The following PROCA1 variants were observed in gnomAD, a reference collection of about 807,000 sequenced individuals.
PROCA1 encodes the protein protein PROCA1.
PROCA1 carries 22 observed loss-of-function variants against 23.2 expected under a neutral mutation model. That is an observed-to-expected ratio of 0.95 (90% CI 0.68 to 1.35). The LOEUF is 1.35. PROCA1 is among the 40% of genes most tolerant of loss of function. The pLI, the probability that PROCA1 is intolerant of heterozygous loss-of-function variation, is 0.00. For missense variants in PROCA1, 469 were observed against 459.8 expected (o/e 1.02, Z -0.18); for synonymous variants, 182 against 179.2 (o/e 1.02, Z -0.12).
intron 1 of PROCA1, among the ~76,000 whole-genome samples, chr17:28,710,089 T>C (rs559880751): frequency 6.6e-6 from 1 of 152,160 alleles, no homozygotes; most frequent in African/African-American, 2.4e-5. Flanking sequence ...TTTTACTCAA[T>C]CTGGACTCCA....
chr17:28,709,098 TTGTTAA>T (rs2032660604), intron 1 of PROCA1, among the ~76,000 whole-genome samples: 1 of 152,196 alleles, frequency 6.6e-6, no homozygotes, highest in Admixed American at 6.5e-5. Flanking sequence ...CAAACATACA[TTGTTAA>T]TAGACTGTAG....
intron 1 of PROCA1, 153 bp from the exon 2 acceptor site, chr17:28,706,916 G>GC (rs1425437500): frequency 9.3e-6 from 1 of 107,424 alleles, no homozygotes; most frequent in Admixed American, 1.2e-4. Flanking sequence ...AGGGGTTGCG[G>GC]GGGGGGGGGG....
intron 4 of PROCA1, 43 bp downstream of exon 4, chr17:28,704,264 C>G: frequency 6.3e-7 from 1 of 1,586,404 alleles, no homozygotes; most frequent in East Asian, 2.2e-5. Context: ...GGGCAGTGCC[C>G]TGTAGAGGCC....
chr17:28,710,662 T>C (rs1166244884), intron 1 of PROCA1, among the ~76,000 whole-genome samples: 1 of 152,114 alleles, frequency 6.6e-6, no homozygotes, highest in Non-Finnish European at 1.5e-5. Context: ...AGTAACTCTC[T>C]TCAGAGCTGA....
At position 28,703,471 on chromosome 17, in the gene PROCA1, A is replaced by G; in HGVS notation, c.*87T>C. ...CTGAGCCCACCCCTTGCCCCGCAAG[A>G]AACAGCCAGGTTGGAGGGAGAGAAC... On this transcript the variant is annotated 3_prime_UTR_variant, in exon 5 of 5. Coordinates refer to ENST00000682792, the MANE Select transcript of PROCA1 (RefSeq NM_001366301.1). 1 of 1,416,658 alleles carries G rather than the reference A, an allele frequency of 7.1e-7. No homozygotes were observed. The highest frequency in any genetic ancestry group is 2.1e-5 in the Admixed American group (1 of 48,070). 87.8% of individuals were successfully genotyped at this position (1,416,658 alleles called of 1,614,324 possible). A position where few individuals can be genotyped will look rare whatever the true frequency, so the allele number is the denominator to read the frequency against.
intron 1 of PROCA1, chr17:28,711,110 G>A (rs2032760021): frequency 2.5e-6 from 3 of 1,179,976 alleles, no homozygotes; most frequent in Non-Finnish European, 3.2e-6. Flanking sequence ...TCGCCGCCGC[G>A]GAGGTAATTG....
Position 28,704,382 on chromosome 17 carries a change from C to A in PROCA1, c.365G>T (p.Cys122Phe), listed in dbSNP as rs369147017. Reference protein sequence around the residue: ...SSSSRGAGPTCSHVIESPCFE... With the variant: ...SSSSRGAGPTFSHVIESPCFE... ...GCAAGGGGACTCGATGACATGGGAGCAGGTTGGGCCCGCGCCCCGGGAGCT... is the reference window on the plus strand; with the variant it reads ...GCAAGGGGACTCGATGACATGGGAGAAGGTTGGGCCCGCGCCCCGGGAGCT... Residue 122 changes from cysteine to phenylalanine, a missense_variant, in exon 4 of 5, where the codon TGC becomes TTC. By Grantham distance (205) the Cys-to-Phe change is radical. Transcript: ENST00000682792. The A allele has an allele frequency of 1.9e-6, 3 of 1,614,098 alleles. No homozygotes were observed. The highest frequency in any genetic ancestry group is 1.7e-6 in the Non-Finnish European group (2 of 1,180,006).
intron 1 of PROCA1, among the ~76,000 whole-genome samples, chr17:28,709,713 C>G (rs990501136): frequency 1.3e-5 from 2 of 151,850 alleles, no homozygotes; most frequent in South Asian, 4.2e-4. Flanking sequence ...CCTGTCCTAC[C>G]AGGCCGGGTG....
chr17:28,708,220 G>T (rs1436622901), intron 1 of PROCA1, among the ~76,000 whole-genome samples: 1 of 152,170 alleles, frequency 6.6e-6, no homozygotes, highest in East Asian at 1.9e-4. Context: ...ATGTTGGACA[G>T]GCTGGTCTCG....
intron 1 of PROCA1, among the ~76,000 whole-genome samples, chr17:28,710,597 C>A (rs2032734102): frequency 1.3e-5 from 2 of 151,322 alleles, no homozygotes; most frequent in East Asian, 3.9e-4. Context: ...GGACACCCAT[C>A]AGCTCTGTTT....
In PROCA1 at chr17:28,703,734, C is replaced by T. The variant is rs1183149668; in HGVS notation, c.919G>A (p.Asp307Asn). 4 of 1,614,024 alleles carry T rather than the reference C, an allele frequency of 2.5e-6. No homozygotes were observed. The highest frequency in any genetic ancestry group is 1.3e-5 in the African/African-American group (1 of 74,868). ...CCCTGCCCCCGGCCATTGTAACTGT[C>T]CTCGCTCTCCAGCTCTTCCCGGCTT... The part of the protein sequence containing the change: ...PESREELESE[D>N]SYNGRGQGEL... The change falls in exon 5 of 5, where the codon GAC becomes AAC. Residue 307 changes from aspartate (D) to asparagine (N), a missense_variant. Transcript: ENST00000682792.
In PROCA1 at chr17:28,703,839, T is replaced by TAACCGGGCTTTTCTTCTTAGTC. The variant is rs770541517; in HGVS notation, c.792_813dup (p.Lys272AspfsTer2). On this transcript the variant is annotated stop_gained and frameshift_variant, in exon 5 of 5. Transcript: ENST00000682792. LOFTEE classifies it high-confidence loss of function. ...ACGTCTGGCGGGGAAGGCTCCAATTTAACCGGGCTTTTCTTCTTAGTCAAC... is the reference window on the plus strand; with the variant it reads ...ACGTCTGGCGGGGAAGGCTCCAATTTAACCGGGCTTTTCTTCTTAGTCAACCGGGCTTTTCTTCTTAGTCAAC... 1 of 1,614,142 alleles carries TAACCGGGCTTTTCTTCTTAGTC rather than the reference T, an allele frequency of 6.2e-7. No homozygotes were observed. Among genetic ancestry groups the TAACCGGGCTTTTCTTCTTAGTC allele is most frequent in the Non-Finnish European group, 8.5e-7 (1 of 1,180,030 alleles).
chr17:28,706,590 C>T, intron 2 of PROCA1, 90 bp downstream of exon 2: 1 of 936,266 alleles, frequency 1.1e-6, no homozygotes, highest in Non-Finnish European at 1.5e-6. Flanking sequence ...TCCCTCCCTC[C>T]CTGCCTCAGG....
chr17:28,706,507 G>A (rs370942619), intron 2 of PROCA1, 173 bp downstream of exon 2: 68 of 337,268 alleles, frequency 2.0e-4, no homozygotes, highest in African/African-American at 1.2e-3. Context: ...GGGTGATTGC[G>A]GCCTTGAGAA....
Position 28,704,708 on chromosome 17 carries a change from C to T in PROCA1, c.311G>A (p.Arg104Lys), listed in dbSNP as rs758645795. Residue 104 changes from arginine (R) to lysine (K), a missense_variant and splice_region_variant, in exon 3 of 5, where the codon AGG (arginine) becomes AAG (lysine). Physicochemically the swap from Arg to Lys is conservative, Grantham distance 26 (BLOSUM62 2). Coordinates refer to ENST00000682792, the MANE Select transcript of PROCA1 (RefSeq NM_001366301.1). ...HSVNHCNCNS[R>K]LKDSSEDSSS... The stretch of plus-strand genomic sequence containing the variant: ...GTCCCCCAAGGGGGCGGGCCCTCAC[C>T]TAGAATTACAGTTGCAGTGGTTGAC... 6.2e-7 allele frequency: 1 copy of T among 1,614,048 alleles called. No individual in the cohort carries two copies. Among genetic ancestry groups the T allele is most frequent in the Non-Finnish European group, 8.5e-7 (1 of 1,179,934 alleles).
rs778027362 is a variant in PROCA1, at chr17:28,704,282, C to T, written c.440+25G>A. 6 of 1,599,134 alleles carry T rather than the reference C, an allele frequency of 3.8e-6. No individual in the cohort carries two copies. The South Asian group carries it at 5.6e-5, about 15-fold the overall frequency. On this transcript the variant is annotated intron_variant, in intron 4 of 4. Coordinates refer to ENST00000682792, the MANE Select transcript of PROCA1 (RefSeq NM_001366301.1). ...CAGTGCCCTGTAGAGGCCCCTTCCC[C>T]ATCAGCCCACCGGGGCTCACTCACC...
rs148620357 is a variant in PROCA1 at position 28,703,798 on chromosome 17, G to A, written c.855C>T (p.Ser285=). 447 of 1,614,178 alleles carry A rather than the reference G, an allele frequency of 2.8e-4. No individual in the cohort carries two copies. The highest frequency in any genetic ancestry group is 3.3e-4 in the Non-Finnish European group (386 of 1,180,052). Residue 285 remains serine, a synonymous_variant, in exon 5 of 5, where the codon AGC becomes AGT. Coordinates refer to ENST00000682792, the MANE Select transcript of PROCA1 (RefSeq NM_001366301.1). ...PSPPDVSRSL[S]ARQLARMSES... ...CGGACATCCTGGCCAGCTGTCTTGC[G>A]CTTAATGATCGGCTCACGTCTGGCG...
chr17:28,711,360 T>A, intron 1 of PROCA1: 1 of 563,056 alleles, frequency 1.8e-6, no homozygotes, highest in Non-Finnish European at 3.0e-6. Context: ...AGGACCCCAG[T>A]CCTCAATCAT....
Position 28,704,840 on chromosome 17 carries a change from T to G in PROCA1, c.179A>C (p.Asp60Ala), listed in dbSNP as rs2032384613. 1.2e-6 allele frequency: 2 copies of G among 1,612,122 alleles called. No homozygotes were observed. Among genetic ancestry groups the G allele is most frequent in the Non-Finnish European group, 1.7e-6 (2 of 1,179,764 alleles). Residue 60 changes from aspartate (D) to alanine (A), a missense_variant, in exon 3 of 5, where the codon GAC becomes GCC. Transcript: ENST00000682792. The stretch of plus-strand genomic sequence containing the variant: ...GCAGCACTTGTCAGGCTCCTTGCAG[T>G]CACCTGAGGGGGCAGGAGTCTGGGT... ...STDVSTFSEGDCKEPDKCCWR... is the reference protein window; with the variant it reads ...STDVSTFSEGACKEPDKCCWR...
Sources: allele counts gnomAD v4.1 joint callset (sites outside exome capture counted in the v4.1 genomes callset), GRCh38; gene constraint gnomAD v4.1.1; transcripts MANE v1.5; gene names NCBI Gene and HGNC (gene_info 2026-07-23, HGNC 2026-07-21).